The following MYO16 variants were observed in gnomAD, a reference collection of about 807,000 sequenced individuals.
The protein encoded by MYO16 is unconventional myosin-XVI.
Under a neutral mutation model 205.3 loss-of-function variants are expected in MYO16, and 94 were observed. The ratio of observed to expected loss-of-function variants is 0.46; its 90% CI spans 0.39 to 0.54. The LOEUF is 0.54. Among genes scored for constraint, MYO16 ranks in the 20% least tolerant of loss-of-function variants. The pLI is 0.00. For synonymous variants in MYO16, 988 were observed against 954.0 expected, an observed-to-expected ratio of 1.04 and a Z score of -0.66; for missense variants, 2,315 against 2,387.5, an observed-to-expected ratio of 0.97 and a Z score of 0.63.
At chr13:108,873,548 A>C (rs902717213) in intron 12 of MYO16, among the ~76,000 whole-genome samples, 18 of 152,374 alleles carry the variant, frequency 1.2e-4, no homozygotes, top group Admixed American at 6.5e-4. Flanking sequence ...CACTGCCGAG[A>C]TGCGGGTCAC....
intron 11 of MYO16, 68 bp downstream of exon 11, chr13:108,855,621 G>C: frequency 1.8e-6 from 2 of 1,082,958 alleles, no homozygotes; most frequent in Non-Finnish European, 2.6e-6. Flanking sequence ...ACCCTTCAGT[G>C]CTTCAAATGT....
intron 7 of MYO16, among the ~76,000 whole-genome samples, chr13:108,807,258 T>C (rs1887143760): frequency 6.6e-6 from 1 of 152,208 alleles, no homozygotes; most frequent in Admixed American, 6.5e-5. Context: ...TCACATCTAG[T>C]AAATTTGTAG....
At chr13:109,082,623 C>A (rs1288178267) in intron 27 of MYO16, among the ~76,000 whole-genome samples, 1 of 151,900 alleles carries the variant, frequency 6.6e-6, no homozygotes, top group Non-Finnish European at 1.5e-5. Context: ...TCACTTGAGA[C>A]CAGGAGTTCG....
Position 108,792,518 on chromosome 13 carries a change from T to TTC in MYO16, c.617-997_617-996insCT, listed in dbSNP as rs1886647130. Among the ~76,000 whole-genome samples the TTC allele has an allele frequency of 5.3e-5, 8 of 151,192 alleles. No individual in the cohort carries two copies. The South Asian group carries it at 1.7e-3, about 32-fold the overall frequency. The stretch of plus-strand genomic sequence containing the variant: ...CCAGTTTTTATACTAATGTCTTTTT[T>TTC]TTTTTTTTTTGAGATGGAGTTTTGC... On this transcript the variant is annotated intron_variant, in intron 5 of 34. Coordinates refer to ENST00000457511, the MANE Select transcript of MYO16 (RefSeq NM_001198950.3).
At chr13:108,860,731 C>T (rs188387372) in intron 11 of MYO16, among the ~76,000 whole-genome samples, 33 of 152,206 alleles carry the variant, frequency 2.2e-4, no homozygotes, top group African/African-American at 5.8e-4. Context: ...CTGGGACAAC[C>T]GGCTAACCAT....
chr13:108,731,313 G>C (rs1040579178), intron 4 of MYO16, among the ~76,000 whole-genome samples: 1 of 152,162 alleles, frequency 6.6e-6, no homozygotes. Context: ...ATCAACAAAT[G>C]AATGAAAGAA....
chr13:108,646,973 A>G (rs1880782741), intron 1 of MYO16, among the ~76,000 whole-genome samples: 3 of 152,130 alleles, frequency 2.0e-5, no homozygotes, highest in Non-Finnish European at 4.4e-5. Context: ...AACACTATAT[A>G]TATGTACTCT....
At chr13:108,821,177 A>G (rs432737) in intron 8 of MYO16, among the ~76,000 whole-genome samples, 4,240 of 152,158 alleles carry the variant, frequency 0.028, 186 homozygotes, top group African/African-American at 0.094. Context: ...CTCTTGCTAT[A>G]CCTCTGCTGA....
chr13:108,935,541 G>A (rs1295063234), intron 16 of MYO16, among the ~76,000 whole-genome samples: 2 of 152,084 alleles, frequency 1.3e-5, no homozygotes, highest in Non-Finnish European at 2.9e-5. Context: ...GGTTTTCAAG[G>A]CATAGAATCA....
At chr13:108,498,662 C>G in the MYO16 span, among the ~76,000 whole-genome samples, 1 of 152,140 alleles carries the variant, frequency 6.6e-6, no homozygotes, top group African/African-American at 2.4e-5. Flanking sequence ...ACCAGGTGGA[C>G]TTTAAAAATT....
intron 2 of MYO16, among the ~76,000 whole-genome samples, chr13:108,703,100 A>G (rs1883371104): frequency 1.3e-5 from 2 of 149,426 alleles, no homozygotes; most frequent in South Asian, 2.2e-4. Flanking sequence ...TTGCATTAAT[A>G]TAAATGGATT....
chr13:108,504,884 T>G, the MYO16 span, among the ~76,000 whole-genome samples: 1 of 152,194 alleles, frequency 6.6e-6, no homozygotes, highest in African/African-American at 2.4e-5. Context: ...TTCTAGGTAC[T>G]TCATGTAAGT....
chr13:109,050,821 C>T (rs1351088133), intron 24 of MYO16, among the ~76,000 whole-genome samples: 1 of 151,278 alleles, frequency 6.6e-6, no homozygotes, highest in Non-Finnish European at 1.5e-5. Context: ...CAGTAAGAAC[C>T]CCTTCAAAGC....
At chr13:109,139,763 GCTT>G (rs1177423489) in intron 31 of MYO16, among the ~76,000 whole-genome samples, 10 of 152,332 alleles carry the variant, frequency 6.6e-5, no homozygotes, top group Admixed American at 5.9e-4. Context: ...ATTTTACAAT[GCTT>G]CTTCATACAA....
chr13:109,056,624 A>G (rs1331041574), intron 27 of MYO16, among the ~76,000 whole-genome samples: 3 of 152,152 alleles, frequency 2.0e-5, no homozygotes, highest in Non-Finnish European at 2.9e-5. Context: ...TGCTTGTAAT[A>G]TTACAAAGGG....
chr13:108,812,165 G>A (rs1180074236), intron 7 of MYO16, among the ~76,000 whole-genome samples: 6 of 152,082 alleles, frequency 3.9e-5, no homozygotes, highest in African/African-American at 7.2e-5. Context: ...TTCACTGGCC[G>A]TCTTTCCTAA....
intron 2 of MYO16, among the ~76,000 whole-genome samples, chr13:108,698,495 A>G (rs1883175960): frequency 6.6e-6 from 1 of 152,192 alleles, no homozygotes; most frequent in Non-Finnish European, 1.5e-5. Flanking sequence ...AAACACACAA[A>G]GGCTATATGA....
intron 23 of MYO16, among the ~76,000 whole-genome samples, chr13:109,042,720 T>C (rs1321605479): frequency 6.6e-6 from 1 of 152,200 alleles, no homozygotes; most frequent in East Asian, 1.9e-4. Context: ...CTTTTAAAGT[T>C]GGAGGGCCCT....
Position 109,206,938 on chromosome 13 carries a change from C to A in MYO16, c.*102C>A. 4.1e-6 allele frequency: 4 copies of A among 983,178 alleles called. No homozygotes were observed. The highest frequency in any genetic ancestry group is 4.9e-5 in the Admixed American group (2 of 40,880). 60.9% of individuals were successfully genotyped at this position (983,178 alleles called of 1,614,324 possible). On this transcript the variant is annotated 3_prime_UTR_variant, in exon 35 of 35. Coordinates refer to ENST00000457511, the MANE Select transcript of MYO16 (RefSeq NM_001198950.3). ...ACATGCGCTGGGGCTTCTCTCCACG[C>A]ATTTAGACAAAAAAAGCACAGGACA... is the stretch of plus-strand genomic sequence containing the variant.
Sources: allele counts gnomAD v4.1 joint callset (sites outside exome capture counted in the v4.1 genomes callset), GRCh38; gene constraint gnomAD v4.1.1; transcripts MANE v1.5; gene names NCBI Gene and HGNC (gene_info 2026-07-23, HGNC 2026-07-21).